RNF220: variants seen among roughly 807,000 people sequenced by gnomAD.
RNF220 encodes ring finger protein 220, also known as E3 ubiquitin-protein ligase RNF220.
In RNF220, 7 loss-of-function variants were observed where a neutral mutation model predicts 67.1. The ratio of observed to expected loss-of-function variants is 0.10; its 90% CI spans 0.06 to 0.20. RNF220 has a LOEUF of 0.20. Ranked by LOEUF, RNF220 falls within the 10% of genes least tolerant of loss-of-function variation. RNF220 has a pLI of 1.00. For synonymous variants in RNF220, 270 were observed against 283.2 expected, an observed-to-expected ratio of 0.95 and a Z score of 0.47; for missense variants, 565 against 740.3, an observed-to-expected ratio of 0.76 and a Z score of 2.75.
At chr1:44,449,320 G>T (rs1451931734) in intron 2 of RNF220, among the ~76,000 whole-genome samples, 2 of 152,040 alleles carry the variant, frequency 1.3e-5, no homozygotes, top group African/African-American at 4.8e-5. Flanking sequence ...ATCCATAATT[G>T]CCCCCAAAAC....
intron 2 of RNF220, among the ~76,000 whole-genome samples, chr1:44,474,000 C>T (rs752644884): frequency 9.2e-5 from 14 of 152,052 alleles, no homozygotes; most frequent in East Asian, 1.9e-4. Context: ...TAAGTACAGT[C>T]GGCCTTCTGT....
intron 2 of RNF220, among the ~76,000 whole-genome samples, chr1:44,441,546 A>G (rs1651554964): frequency 6.6e-6 from 1 of 152,234 alleles, no homozygotes. Flanking sequence ...TGAGCCTTGG[A>G]GATGAGCAAT....
At chr1:44,586,071 T>C (rs1224012134) in intron 2 of RNF220, among the ~76,000 whole-genome samples, 2 of 152,246 alleles carry the variant, frequency 1.3e-5, no homozygotes, top group African/African-American at 2.4e-5. Flanking sequence ...TGGAAAACAT[T>C]TGTTTAATGT....
intron 2 of RNF220, among the ~76,000 whole-genome samples, chr1:44,441,689 G>C (rs550848166): frequency 6.6e-6 from 1 of 152,348 alleles, no homozygotes; most frequent in Admixed American, 6.5e-5. Flanking sequence ...AGTGTATGAA[G>C]AAGGTTAGTG....
chr1:44,484,722 C>A (rs553078665), intron 2 of RNF220, among the ~76,000 whole-genome samples: 1 of 152,284 alleles, frequency 6.6e-6, no homozygotes, highest in Admixed American at 6.5e-5. Context: ...TCTCTTCAAC[C>A]TTTTTCAACC....
At chr1:44,578,550 T>C (rs185774940) in intron 2 of RNF220, among the ~76,000 whole-genome samples, 63 of 152,332 alleles carry the variant, frequency 4.1e-4, no homozygotes, top group African/African-American at 1.4e-3. Context: ...GCAAGTGCTA[T>C]GGGCCCCCAT....
intron 2 of RNF220, among the ~76,000 whole-genome samples, chr1:44,449,163 T>A (rs1471213130): frequency 6.6e-6 from 1 of 152,242 alleles, no homozygotes; most frequent in Non-Finnish European, 1.5e-5. Flanking sequence ...TCTAGCTAGC[T>A]GAATGACCTG....
intron 2 of RNF220, among the ~76,000 whole-genome samples, chr1:44,418,057 C>G (rs1648768923): frequency 6.6e-6 from 1 of 152,202 alleles, no homozygotes; most frequent in African/African-American, 2.4e-5. Flanking sequence ...ACTAAGAACC[C>G]AGTCCCCGAT....
At chr1:44,584,592 T>G (rs1031332354) in intron 2 of RNF220, among the ~76,000 whole-genome samples, 1 of 152,230 alleles carries the variant, frequency 6.6e-6, no homozygotes, top group African/African-American at 2.4e-5. Context: ...CCCTCAGTAG[T>G]TGCAGGTACT....
chr1:44,474,877 AAGG>A (rs1655152332), intron 2 of RNF220, among the ~76,000 whole-genome samples: 2 of 152,198 alleles, frequency 1.3e-5, no homozygotes, highest in Non-Finnish European at 1.5e-5. Context: ...CACCTTATAT[AAGG>A]GAATTGAGCA....
intron 2 of RNF220, among the ~76,000 whole-genome samples, chr1:44,584,152 C>T (rs555896550): frequency 1.3e-5 from 2 of 152,344 alleles, no homozygotes; most frequent in Middle Eastern, 3.4e-3. Flanking sequence ...TCGAGCAGCC[C>T]AGGCTGCTCA....
At chr1:44,557,623 T>C (rs767424378) in intron 2 of RNF220, among the ~76,000 whole-genome samples, 1 of 152,226 alleles carries the variant, frequency 6.6e-6, no homozygotes, top group Non-Finnish European at 1.5e-5. Context: ...TGACTGTGTC[T>C]CATAAATTTG....
chr1:44,638,708 AG>A (rs1644402999), intron 8 of RNF220, among the ~76,000 whole-genome samples: 1 of 152,146 alleles, frequency 6.6e-6, no homozygotes, highest in Non-Finnish European at 1.5e-5. Context: ...CAGGCCTTAG[AG>A]ATGGGGACCT....
At position 44,442,514 on chromosome 1, in the gene RNF220, CT is replaced by C. The variant is rs10636964; in HGVS notation, c.625+29809del. Among the ~76,000 whole-genome samples, 377 of 127,734 alleles carry C rather than the reference CT, an allele frequency of 3.0e-3. 1 individual carries two copies. Among genetic ancestry groups the C allele is most frequent in the African/African-American group, 8.9e-3 (294 of 33,008 alleles). 83.8% of individuals were successfully genotyped at this position (127,734 alleles called of 152,430 possible). Reference sequence around the variant, plus strand: ...GCCCCGCTGCCGCACCACTCACACTCTTTTTTTTTTTTTTTTTGAGACAGGG... The same window carrying C: ...GCCCCGCTGCCGCACCACTCACACTCTTTTTTTTTTTTTTTTGAGACAGGG... On this transcript the variant is annotated intron_variant, in intron 2 of 14. Coordinates refer to ENST00000361799, the MANE Select transcript of RNF220 (RefSeq NM_018150.4).
intron 2 of RNF220, chr1:44,423,937 A>G (rs1351372921): frequency 2.0e-6 from 2 of 985,388 alleles, no homozygotes; most frequent in Non-Finnish European, 2.4e-6. Context: ...GCATGCTAAA[A>G]ACAGTTCCTT....
At position 44,606,525 on chromosome 1, in the gene RNF220, T is replaced by C. The variant is rs1232593294; in HGVS notation, c.626-7640T>C. Reference sequence around the variant, plus strand: ...CTTTTCATGCCTTATGTCCTTGACCTCTCAACAGCATTTGACCTTACTGAG... The same window carrying C: ...CTTTTCATGCCTTATGTCCTTGACCCCTCAACAGCATTTGACCTTACTGAG... On this transcript the variant is annotated intron_variant, in intron 2 of 14. Coordinates refer to ENST00000361799, the MANE Select transcript of RNF220 (RefSeq NM_018150.4). The surrounding 1 kb of genome is among the most constrained non-coding windows in gnomAD (Gnocchi z 4.2). 6.6e-6 allele frequency among the ~76,000 whole-genome samples: 1 copy of C among 152,210 alleles called. No homozygotes were observed. The highest frequency in any genetic ancestry group is 1.5e-5 in the Non-Finnish European group (1 of 68,032).
At chr1:44,473,491 G>A (rs531981020) in intron 2 of RNF220, among the ~76,000 whole-genome samples, 20 of 129,280 alleles carry the variant, frequency 1.5e-4, no homozygotes, top group African/African-American at 5.7e-4. Flanking sequence ...CAGGGATGGC[G>A]GGGGCGGGGG....
At chr1:44,593,677 G>A (rs1187195439) in intron 2 of RNF220, among the ~76,000 whole-genome samples, 5 of 152,084 alleles carry the variant, frequency 3.3e-5, no homozygotes, top group East Asian at 3.8e-4. Context: ...AGCTAGGATC[G>A]CCACTGCACC....
intron 6 of RNF220, among the ~76,000 whole-genome samples, chr1:44,633,354 T>G (rs940187318): frequency 2.0e-5 from 3 of 152,234 alleles, no homozygotes; most frequent in African/African-American, 7.2e-5. Flanking sequence ...AATTGAAGTT[T>G]GTTTCCCACC....
Sources: allele counts gnomAD v4.1 joint callset (sites outside exome capture counted in the v4.1 genomes callset), GRCh38; gene constraint gnomAD v4.1.1; non-coding constraint Gnocchi (gnomAD v3.1); transcripts MANE v1.5; gene names NCBI Gene and HGNC (gene_info 2026-07-23, HGNC 2026-07-21).